Variants in ATP2B2 observed in about 807,000 individuals in gnomAD.
The protein encoded by ATP2B2 is ATPase plasma membrane Ca2+ transporting 2, also known as plasma membrane calcium-transporting ATPase 2.
A neutral mutation model predicts 120.0 loss-of-function variants in ATP2B2; 15 were observed. That is an observed-to-expected ratio of 0.12 (90% CI 0.08 to 0.19). ATP2B2 has a LOEUF of 0.19. ATP2B2 is among the 10% of genes least tolerant of loss of function. The probability of loss-of-function intolerance (pLI) is 1.00; values close to 1 mark genes in which losing one functional copy is unlikely to be tolerated. For missense variants in ATP2B2, 1,045 were observed against 1,719.8 expected (o/e 0.61, Z 6.94); for synonymous variants, 694 against 700.3 (o/e 0.99, Z 0.14).
At chr3:10,547,929 G>A (rs2067587208) in intron 2 of ATP2B2, among the ~76,000 whole-genome samples, 1 of 152,214 alleles carries the variant, frequency 6.6e-6, no homozygotes, top group Admixed American at 6.5e-5. Context: ...CTCCACATGT[G>A]TGACACCCCT....
rs1393825377 is a variant in ATP2B2, at chr3:10,695,256, GAGA to G, written c.-460+12656_-460+12658del. Reference sequence around the variant, plus strand: ...CAGGCAAAGGAGGGAGGGAGGGAGAGAGAGAGAGAGAGAGAGAGAGAGAGAGAG... The same window carrying G: ...CAGGCAAAGGAGGGAGGGAGGGAGAGGAGAGAGAGAGAGAGAGAGAGAGAG... On this transcript the variant is annotated intron_variant, in intron 1 of 21. Coordinates refer to the ATP2B2 transcript ENST00000646379. Among the ~76,000 whole-genome samples, 25 of 137,962 alleles carry G rather than the reference GAGA, an allele frequency of 1.8e-4. 1 individual carries two copies. Among genetic ancestry groups the G allele is most frequent in the Non-Finnish European group, 2.2e-4 (13 of 59,580 alleles). The allele number at this position is 137,962 out of a possible 152,430, so 90.5% of individuals were successfully genotyped here. A position where few individuals can be genotyped will look rare whatever the true frequency, so the allele number is the denominator to read the frequency against.
intron 1 of ATP2B2, among the ~76,000 whole-genome samples, chr3:10,674,951 C>T (rs148734745): frequency 3.2e-4 from 49 of 152,282 alleles, no homozygotes; most frequent in African/African-American, 1.2e-3. Flanking sequence ...GTTTAGCTAC[C>T]GTATCTCTTT....
intron 1 of ATP2B2, among the ~76,000 whole-genome samples, chr3:10,484,240 C>T (rs1466378667): frequency 6.6e-6 from 1 of 152,144 alleles, no homozygotes; most frequent in African/African-American, 2.4e-5. Context: ...GGACCAGAGA[C>T]TTCCAGGGCA....
intron 1 of ATP2B2, among the ~76,000 whole-genome samples, chr3:10,705,619 A>G (rs114312056): frequency 6.0e-4 from 92 of 152,360 alleles, no homozygotes; most frequent in African/African-American, 2.0e-3. Flanking sequence ...CCAGCAGGTC[A>G]GTAGCAGAGG....
At chr3:10,690,968 G>C (rs2071650540) in intron 1 of ATP2B2, among the ~76,000 whole-genome samples, 1 of 152,208 alleles carries the variant, frequency 6.6e-6, no homozygotes, top group African/African-American at 2.4e-5. Flanking sequence ...GCACATAGTA[G>C]GTGCTGAACA....
At chr3:10,399,677 C>A (rs1174655382) in intron 5 of ATP2B2, among the ~76,000 whole-genome samples, 4 of 152,240 alleles carry the variant, frequency 2.6e-5, no homozygotes, top group African/African-American at 7.2e-5. Flanking sequence ...GCCCCCACCT[C>A]TATTCTCACT....
chr3:10,580,176 G>A (rs1227715356), intron 2 of ATP2B2, among the ~76,000 whole-genome samples: 2 of 152,192 alleles, frequency 1.3e-5, no homozygotes, highest in Non-Finnish European at 2.9e-5. Context: ...GCAGGGGAAC[G>A]AGACTCAAGT....
intron 1 of ATP2B2, among the ~76,000 whole-genome samples, chr3:10,623,574 C>T (rs553379101): frequency 1.3e-5 from 2 of 152,326 alleles, no homozygotes; most frequent in African/African-American, 4.8e-5. Flanking sequence ...CACCTCCAAG[C>T]ACTTTTATCC....
rs1416777828 is a variant in ATP2B2 at position 10,519,080 on chromosome 3, T to C, written c.-320+14959A>G. The stretch of plus-strand genomic sequence containing the variant: ...TCTTACAACAACCCCACAAGGGACA[T>C]ACTGGTATCATCATGCCAATTTTGT... On this transcript the variant is annotated intron_variant, in intron 3 of 21. Transcript: ENST00000646379. Among the ~76,000 whole-genome samples, 3 of 152,222 alleles carry C rather than the reference T, an allele frequency of 2.0e-5. No individual in the cohort carries two copies. The East Asian group carries it at 5.8e-4, about 29-fold the overall frequency.
At chr3:10,681,516 G>A (rs567922308) in intron 1 of ATP2B2, among the ~76,000 whole-genome samples, 2 of 152,328 alleles carry the variant, frequency 1.3e-5, no homozygotes, top group South Asian at 2.1e-4. Flanking sequence ...TCACTCACTC[G>A]CTCACTCACC....
chr3:10,592,268 A>G (rs1404559273), intron 2 of ATP2B2, among the ~76,000 whole-genome samples: 1 of 152,254 alleles, frequency 6.6e-6, no homozygotes, highest in Non-Finnish European at 1.5e-5. Context: ...TAATACAAAA[A>G]GAAGGGAAGT....
chr3:10,620,948 G>A (rs2069529165), intron 1 of ATP2B2, among the ~76,000 whole-genome samples: 1 of 152,128 alleles, frequency 6.6e-6, no homozygotes, highest in South Asian at 2.1e-4. Flanking sequence ...CACTCACAGG[G>A]TTCACACCCT....
At position 10,486,332 on chromosome 3, in the gene ATP2B2, T is replaced by TGC. The variant is rs1007833455; in HGVS notation, c.-320+19132_-320+19133insGC. On this transcript the variant is annotated intron_variant, in intron 1 of 22. Coordinates refer to ENST00000360273, the MANE Select transcript of ATP2B2 (RefSeq NM_001001331.4). ...CCAGGTGTGTGTGCGTGCGTGTGTGTGTGTGTGTGTGTGTGTGTGTGTGTG... is the reference window on the plus strand; with the variant it reads ...CCAGGTGTGTGTGCGTGCGTGTGTGTGCGTGTGTGTGTGTGTGTGTGTGTGTG... Among the ~76,000 whole-genome samples the TGC allele has an allele frequency of 1.3e-3, 22 of 17,576 alleles. No homozygotes were observed. In the East Asian group the frequency reaches 0.019, roughly 15 times the overall value. 11.5% of individuals were successfully genotyped at this position (17,576 alleles called of 152,430 possible).
At chr3:10,466,696 T>C (rs1575315838) in intron 1 of ATP2B2, among the ~76,000 whole-genome samples, 2 of 152,252 alleles carry the variant, frequency 1.3e-5, no homozygotes, top group Non-Finnish European at 1.5e-5. Context: ...TGCAGGAAAA[T>C]CTGCCATTCA....
At chr3:10,411,965 C>T (rs369341903) in intron 2 of ATP2B2, among the ~76,000 whole-genome samples, 19 of 152,238 alleles carry the variant, frequency 1.2e-4, no homozygotes, top group Admixed American at 8.5e-4. Flanking sequence ...TCCACTCTCA[C>T]GCACCTGCTC....
At position 10,342,998 on chromosome 3, in the gene ATP2B2, G is replaced by A. The variant is rs769766285; in HGVS notation, c.2704-33C>T. 3.7e-6 allele frequency: 6 copies of A among 1,601,820 alleles called. No individual in the cohort carries two copies. The highest frequency in any genetic ancestry group is 1.8e-4 in the Middle Eastern group (1 of 5,700). On this transcript the variant is annotated intron_variant, in intron 18 of 22. Coordinates refer to ENST00000360273, the MANE Select transcript of ATP2B2 (RefSeq NM_001001331.4). This position sits in a 1 kb window ranked among gnomAD's most constrained non-coding sequence, Gnocchi z 4.4. Reference sequence around the variant, plus strand: ...CGGGCAGGAGAGGGCTGTCACCTGTGCGCCCACCTGCTGCTGTGAAGTGCT... The same window carrying A: ...CGGGCAGGAGAGGGCTGTCACCTGTACGCCCACCTGCTGCTGTGAAGTGCT...
intron 3 of ATP2B2, among the ~76,000 whole-genome samples, chr3:10,403,905 A>G (rs1373879884): frequency 1.3e-5 from 2 of 152,212 alleles, no homozygotes; most frequent in Non-Finnish European, 2.9e-5. Flanking sequence ...CCCCTCTGCC[A>G]TGTGTTTGCC....
chr3:10,490,727 T>C (rs2125363393), intron 1 of ATP2B2, among the ~76,000 whole-genome samples: 1 of 152,238 alleles, frequency 6.6e-6, no homozygotes, highest in South Asian at 2.1e-4. Flanking sequence ...CAGAAAATCC[T>C]ACAGACTGGG....
intron 2 of ATP2B2, among the ~76,000 whole-genome samples, chr3:10,554,888 C>T (rs754834207): frequency 6.6e-6 from 1 of 152,138 alleles, no homozygotes; most frequent in Non-Finnish European, 1.5e-5. Context: ...GTGGGTCAGA[C>T]CTTGTTGAGG....
Sources: allele counts gnomAD v4.1 joint callset (sites outside exome capture counted in the v4.1 genomes callset), GRCh38; gene constraint gnomAD v4.1.1; non-coding constraint Gnocchi (gnomAD v3.1); transcripts MANE v1.5; gene names NCBI Gene and HGNC (gene_info 2026-07-23, HGNC 2026-07-21).